The following VWA8 variants were observed in gnomAD, a reference collection of about 807,000 sequenced individuals.
The protein encoded by VWA8 is von Willebrand factor A domain containing 8.
In VWA8, 221 loss-of-function variants were observed where a neutral mutation model predicts 241.5. That is an observed-to-expected ratio of 0.91 (90% CI 0.82 to 1.02). VWA8 has a LOEUF of 1.02. Among genes scored for constraint, VWA8 ranks in the 50% least tolerant of loss-of-function variants. The pLI is 0.00. For synonymous variants in VWA8, 852 were observed against 827.1 expected (o/e 1.03, Z -0.52); for missense variants, 2,322 against 2,328.7 (o/e 1.00, Z 0.06).
chr13:41,952,426 A>T (rs1878177119), intron 1 of VWA8, among the ~76,000 whole-genome samples: 1 of 152,232 alleles, frequency 6.6e-6, no homozygotes, highest in Non-Finnish European at 1.5e-5. Context: ...CTTTTAAAAG[A>T]TAAGCTTGCT....
At chr13:41,929,452 C>T (rs1877004673) in intron 2 of VWA8, among the ~76,000 whole-genome samples, 1 of 152,078 alleles carries the variant, frequency 6.6e-6, no homozygotes, top group Non-Finnish European at 1.5e-5. Context: ...AGCACTCAGC[C>T]CTGTGTTACA....
At chr13:41,767,962 T>C (rs117874671) in intron 20 of VWA8, among the ~76,000 whole-genome samples, 656 of 152,244 alleles carry the variant, frequency 4.3e-3, no homozygotes, top group Non-Finnish European at 8.0e-3. Flanking sequence ...TAAGAAACAA[T>C]GGATAGACAA....
At chr13:41,761,710 C>A (rs74514022) in intron 20 of VWA8, among the ~76,000 whole-genome samples, 1,534 of 152,120 alleles carry the variant, frequency 0.01, 27 homozygotes, top group African/African-American at 0.036. Flanking sequence ...TCCTTTAAAA[C>A]CTTGGAAACC....
At chr13:41,908,636 CA>C (rs935940842) in intron 3 of VWA8, among the ~76,000 whole-genome samples, 41 of 151,706 alleles carry the variant, frequency 2.7e-4, no homozygotes, top group East Asian at 1.9e-4. Context: ...AGAAAGAGGA[CA>C]AAAAAATAAT....
intron 12 of VWA8, among the ~76,000 whole-genome samples, chr13:41,858,498 C>T (rs913888274): frequency 1.3e-5 from 2 of 151,758 alleles, no homozygotes; most frequent in African/African-American, 4.8e-5. Context: ...CCCAGCTACT[C>T]GGGAGGCTGA....
chr13:41,879,874 T>C (rs567153014), intron 9 of VWA8, among the ~76,000 whole-genome samples: 1 of 152,330 alleles, frequency 6.6e-6, no homozygotes, highest in South Asian at 2.1e-4. Context: ...CAGAAAGCCA[T>C]ACAGCTTAGT....
chr13:41,830,486 C>G lies in VWA8; in HGVS notation c.1700+43G>C, dbSNP rs754508366. ...AAATCATAAAAAGTATTATTTTTAA[C>G]TTAACAATAAATTAGCAATGGGAGT... On this transcript the variant is annotated intron_variant, in intron 14 of 44. Coordinates refer to ENST00000379310, the MANE Select transcript of VWA8 (RefSeq NM_015058.2). 16 of 1,459,490 alleles carry G rather than the reference C, an allele frequency of 1.1e-5. No individual in the cohort carries two copies. In the South Asian group the frequency reaches 1.9e-4, roughly 17 times the overall value. 90.4% of individuals were successfully genotyped at this position (1,459,490 alleles called of 1,614,324 possible). A position where few individuals can be genotyped will look rare whatever the true frequency, so the allele number is the denominator to read the frequency against.
chr13:41,784,819 G>GT (rs1869112032), intron 18 of VWA8, among the ~76,000 whole-genome samples: 1 of 144,778 alleles, frequency 6.9e-6, no homozygotes, highest in East Asian at 2.0e-4. Context: ...TATTTTCGAG[G>GT]TTGGTCCAGG....
At chr13:41,694,112 T>G (rs1381428459) in intron 29 of VWA8, among the ~76,000 whole-genome samples, 1 of 151,986 alleles carries the variant, frequency 6.6e-6, no homozygotes, top group East Asian at 1.9e-4. Context: ...AGCTTATATT[T>G]AATATATAAA....
intron 4 of VWA8, among the ~76,000 whole-genome samples, chr13:41,907,237 C>T (rs891703379): frequency 6.6e-6 from 1 of 152,172 alleles, no homozygotes; most frequent in South Asian, 2.1e-4. Context: ...ATTGAAAATA[C>T]TTTAATAAAT....
intron 2 of VWA8, among the ~76,000 whole-genome samples, chr13:41,928,825 CTTGT>C (rs981481365): frequency 2.0e-5 from 3 of 150,318 alleles, no homozygotes; most frequent in African/African-American, 4.9e-5. Context: ...AAACCTTCAG[CTTGT>C]TTAAGGGAAA....
chr13:41,840,523 T>C (rs1871948797), intron 12 of VWA8, among the ~76,000 whole-genome samples: 2 of 151,516 alleles, frequency 1.3e-5, no homozygotes, highest in South Asian at 4.2e-4. Flanking sequence ...TTTGGGAAGC[T>C]AAGGTGGGCT....
chr13:41,590,855 T>C, intron 40 of VWA8, 90 bp from the exon 41 acceptor site: 1 of 1,522,578 alleles, frequency 6.6e-7, no homozygotes, highest in Non-Finnish European at 9.0e-7. Context: ...GAAACACACC[T>C]GGGATCTTTT....
At chr13:41,744,187 C>T (rs2045587723) in intron 21 of VWA8, among the ~76,000 whole-genome samples, 1 of 152,214 alleles carries the variant, frequency 6.6e-6, no homozygotes, top group African/African-American at 2.4e-5. Context: ...AGCTAAACCA[C>T]CTCTTTTCAC....
intron 21 of VWA8, among the ~76,000 whole-genome samples, chr13:41,753,773 A>G (rs2045672753): frequency 6.6e-6 from 1 of 152,178 alleles, no homozygotes; most frequent in Non-Finnish European, 1.5e-5. Context: ...TTCAAATGAC[A>G]TTCATAAACT....
intron 37 of VWA8, among the ~76,000 whole-genome samples, chr13:41,624,566 A>C (rs533333336): frequency 6.6e-6 from 1 of 152,284 alleles, no homozygotes; most frequent in Admixed American, 6.5e-5. Flanking sequence ...AGAACTAAAA[A>C]CGAAAACCAC....
intron 4 of VWA8, among the ~76,000 whole-genome samples, chr13:41,896,224 G>C (rs1875102793): frequency 6.6e-6 from 1 of 151,906 alleles, no homozygotes; most frequent in Non-Finnish European, 1.5e-5. Flanking sequence ...ATTATTACAT[G>C]TATTACCTTT....
At chr13:41,852,862 GA>G (rs1234173513) in intron 12 of VWA8, among the ~76,000 whole-genome samples, 1 of 151,998 alleles carries the variant, frequency 6.6e-6, no homozygotes, top group Non-Finnish European at 1.5e-5. Context: ...TTCCTTTGTG[GA>G]ATATTTTGAA....
At chr13:41,891,164 GA>G (rs1386242279) in intron 5 of VWA8, among the ~76,000 whole-genome samples, 1 of 138,934 alleles carries the variant, frequency 7.2e-6, no homozygotes, top group South Asian at 2.3e-4. Context: ...GAAAAAATAG[GA>G]AAAAAAATGG....
Sources: gnomAD v4.1 joint callset for allele counts (sites outside exome capture counted in the v4.1 genomes callset) on GRCh38, gnomAD v4.1.1 for gene constraint, MANE v1.5 for transcripts, NCBI Gene and HGNC (gene_info 2026-07-23, HGNC 2026-07-21) for gene names.